CTNNA2: variants seen among roughly 807,000 people sequenced by gnomAD.
CTNNA2 encodes catenin alpha-2.
A neutral mutation model predicts 101.0 loss-of-function variants in CTNNA2; 42 were observed. The ratio of observed to expected loss-of-function variants is 0.42; its 90% CI spans 0.32 to 0.54. The LOEUF (loss-of-function observed/expected upper bound fraction) is 0.54. Ranked by LOEUF, CTNNA2 falls within the 20% of genes least tolerant of loss-of-function variation. The pLI is 0.14. For missense variants in CTNNA2, 871 were observed against 1,223.1 expected (o/e 0.71, Z 4.29); for synonymous variants, 450 against 456.4 (o/e 0.99, Z 0.18).
chr2:79,268,342 G>A (rs1675014206), intron 2 of CTNNA2, among the ~76,000 whole-genome samples: 1 of 152,064 alleles, frequency 6.6e-6, no homozygotes, highest in Admixed American at 6.6e-5. Context: ...TGAGATAGAT[G>A]GACAACCTGG....
chr2:79,425,397 A>G (rs1227458300), intron 4 of CTNNA2, among the ~76,000 whole-genome samples: 3 of 152,136 alleles, frequency 2.0e-5, no homozygotes, highest in Non-Finnish European at 2.9e-5. Context: ...CTCAGACTGG[A>G]TAATATATAA....
chr2:80,097,898 G>A (rs1402618724), intron 7 of CTNNA2, among the ~76,000 whole-genome samples: 2 of 152,020 alleles, frequency 1.3e-5, no homozygotes, highest in East Asian at 1.9e-4. Context: ...ATTCTAGTTA[G>A]CCATGCACCT....
At chr2:79,685,407 T>A (rs1257064772) in intron 2 of CTNNA2, among the ~76,000 whole-genome samples, 1 of 152,174 alleles carries the variant, frequency 6.6e-6, no homozygotes, top group Non-Finnish European at 1.5e-5. Context: ...GATCTGATTA[T>A]CTTAACTGAC....
intron 7 of CTNNA2, among the ~76,000 whole-genome samples, chr2:80,290,274 G>A (rs1476835448): frequency 2.0e-5 from 3 of 152,176 alleles, no homozygotes; most frequent in Non-Finnish European, 4.4e-5. Context: ...ACAACTCTGG[G>A]ATGTGTTGAA....
At chr2:80,225,361 C>T (rs1708821586) in intron 7 of CTNNA2, among the ~76,000 whole-genome samples, 1 of 152,158 alleles carries the variant, frequency 6.6e-6, no homozygotes, top group African/African-American at 2.4e-5. Flanking sequence ...TGTCTCTGGG[C>T]ACTGCTTTGG....
chr2:79,930,480 G>A (rs1285821126), intron 7 of CTNNA2, among the ~76,000 whole-genome samples: 1 of 152,126 alleles, frequency 6.6e-6, no homozygotes, highest in African/African-American at 2.4e-5. Flanking sequence ...AGGCAACCAG[G>A]CCTTGGTGCA....
chr2:79,475,105 T>G (rs1415645866), intron 4 of CTNNA2, among the ~76,000 whole-genome samples: 2 of 152,148 alleles, frequency 1.3e-5, no homozygotes, highest in Non-Finnish European at 2.9e-5. Flanking sequence ...TGAGGAATTC[T>G]CCTCTAAAGA....
intron 7 of CTNNA2, among the ~76,000 whole-genome samples, chr2:80,033,995 A>G (rs1000484549): frequency 1.4e-5 from 2 of 146,860 alleles, no homozygotes; most frequent in Admixed American, 6.8e-5. Context: ...AAAAAAAAGC[A>G]CTGAAAGAAA....
At chr2:79,379,927 A>G (rs183319917) in intron 4 of CTNNA2, among the ~76,000 whole-genome samples, 1 of 152,302 alleles carries the variant, frequency 6.6e-6, no homozygotes, top group East Asian at 1.9e-4. Flanking sequence ...AATGTACACA[A>G]TGTTATGTAA....
chr2:79,632,695 A>G (rs1679771033), intron 1 of CTNNA2, among the ~76,000 whole-genome samples: 1 of 152,134 alleles, frequency 6.6e-6, no homozygotes, highest in Admixed American at 6.5e-5. Context: ...TTAACATTGC[A>G]CTCCATTAAA....
At chr2:79,629,499 G>A (rs1679544773) in intron 1 of CTNNA2, among the ~76,000 whole-genome samples, 1 of 152,162 alleles carries the variant, frequency 6.6e-6, no homozygotes, top group South Asian at 2.1e-4. Context: ...CTGCTCTCTA[G>A]AGGTGGTGCT....
Position 80,262,497 on chromosome 2 carries a change from G to A in CTNNA2, c.1057-130714G>A, listed in dbSNP as rs548575368. 1.4e-3 allele frequency among the ~76,000 whole-genome samples: 213 copies of A among 152,252 alleles called. 1 individual carries two copies. The highest frequency in any genetic ancestry group is 4.9e-3 in the African/African-American group (202 of 41,542). On this transcript the variant is annotated intron_variant, in intron 7 of 18. Coordinates refer to ENST00000402739, the MANE Select transcript of CTNNA2 (RefSeq NM_001282597.3). ...TCTTTCGAAATGTAACTGCTGAGTAGAAGTGCTTCGCTGCTGCTTCTCCTT... is the reference window on the plus strand; with the variant it reads ...TCTTTCGAAATGTAACTGCTGAGTAAAAGTGCTTCGCTGCTGCTTCTCCTT...
intron 7 of CTNNA2, among the ~76,000 whole-genome samples, chr2:80,221,693 T>A (rs1158350019): frequency 6.6e-6 from 1 of 152,226 alleles, no homozygotes; most frequent in Non-Finnish European, 1.5e-5. Flanking sequence ...ATGGATCCGA[T>A]GCTGCACTAC....
intron 7 of CTNNA2, among the ~76,000 whole-genome samples, chr2:80,012,082 C>T (rs903210629): frequency 1.3e-5 from 2 of 152,100 alleles, no homozygotes; most frequent in African/African-American, 2.4e-5. Flanking sequence ...CTCTGGATTC[C>T]AGTGATTTGA....
intron 7 of CTNNA2, among the ~76,000 whole-genome samples, chr2:80,267,086 A>G (rs1673057962): frequency 6.6e-6 from 1 of 152,112 alleles, no homozygotes; most frequent in Admixed American, 6.6e-5. Flanking sequence ...CAGTCTCCAG[A>G]GGGACACCGC....
At chr2:79,915,024 T>A (rs1186141311) in intron 7 of CTNNA2, among the ~76,000 whole-genome samples, 1 of 151,980 alleles carries the variant, frequency 6.6e-6, no homozygotes, top group Admixed American at 6.6e-5. Flanking sequence ...AAAAGGTTAT[T>A]TCCAGCCCGG....
intron 1 of CTNNA2, among the ~76,000 whole-genome samples, chr2:79,585,904 C>T (rs1676456455): frequency 1.3e-5 from 2 of 152,148 alleles, no homozygotes; most frequent in African/African-American, 4.8e-5. Flanking sequence ...TCTTAGCACT[C>T]ATTCAGGCTG....
At chr2:79,955,933 A>G (rs1317868073) in intron 7 of CTNNA2, among the ~76,000 whole-genome samples, 1 of 152,226 alleles carries the variant, frequency 6.6e-6, no homozygotes, top group African/African-American at 2.4e-5. Context: ...TCTGAGGACA[A>G]TGCTTACATA....
Position 80,375,254 on chromosome 2 carries a change from G to C in CTNNA2, c.1057-17957G>C, listed in dbSNP as rs139728570. 9.2e-4 allele frequency among the ~76,000 whole-genome samples: 140 copies of C among 152,292 alleles called. 1 individual carries two copies. Among genetic ancestry groups the C allele is most frequent in the Non-Finnish European group, 1.8e-3 (122 of 68,030 alleles). ...TGGGATAGCCTCGGGAAAGGCACAG[G>C]AGGTCCTCTGGAGGGAAAAGGGCCT... On this transcript the variant is annotated intron_variant, in intron 7 of 18. Coordinates refer to ENST00000402739, the MANE Select transcript of CTNNA2 (RefSeq NM_001282597.3).
Sources: allele counts gnomAD v4.1 joint callset (sites outside exome capture counted in the v4.1 genomes callset), GRCh38; gene constraint gnomAD v4.1.1; transcripts MANE v1.5; gene names NCBI Gene and HGNC (gene_info 2026-07-23, HGNC 2026-07-21).